UNC5C: variants seen among roughly 807,000 people sequenced by gnomAD.
UNC5C encodes netrin receptor UNC5C.
A neutral mutation model predicts 99.8 loss-of-function variants in UNC5C; 47 were observed. The observed-to-expected ratio is 0.47, with a 90% CI of 0.37 to 0.60. The LOEUF is 0.60. Among genes scored for constraint, UNC5C ranks in the 20% least tolerant of loss-of-function variants. The probability of loss-of-function intolerance (pLI) is 0.00; values close to 1 mark genes in which losing one functional copy is unlikely to be tolerated. For synonymous variants in UNC5C, 487 were observed against 452.2 expected, an observed-to-expected ratio of 1.08 and a Z score of -0.98; for missense variants, 1,062 against 1,165.9, an observed-to-expected ratio of 0.91 and a Z score of 1.30.
intron 1 of UNC5C, among the ~76,000 whole-genome samples, chr4:95,428,017 G>T (rs1372438966): frequency 1.3e-5 from 2 of 150,980 alleles, no homozygotes; most frequent in African/African-American, 2.4e-5. Flanking sequence ...CATCCAAATC[G>T]CTAGATTTTC....
intron 3 of UNC5C, among the ~76,000 whole-genome samples, chr4:95,285,911 A>G (rs1347916873): frequency 1.3e-5 from 2 of 152,128 alleles, no homozygotes; most frequent in African/African-American, 4.8e-5. Flanking sequence ...GTGGCTGAGA[A>G]CAAGGTTTTG....
chr4:95,257,239 T>C lies in UNC5C; in HGVS notation c.595-6572A>G, dbSNP rs764697892. ...ACAACATAGTGAGACCACACCTCTA[T>C]AAGAAACATGCAAAAATTAGTAGAG... is the stretch of plus-strand genomic sequence containing the variant. On this transcript the variant is annotated intron_variant, in intron 4 of 15. Transcript: ENST00000453304. Among the ~76,000 whole-genome samples, 56 of 152,088 alleles carry C rather than the reference T, an allele frequency of 3.7e-4. 1 individual carries two copies. The highest frequency in any genetic ancestry group is 7.4e-5 in the Non-Finnish European group (5 of 68,006).
intron 2 of UNC5C, among the ~76,000 whole-genome samples, chr4:95,308,980 T>C (rs1742168202): frequency 6.6e-6 from 1 of 152,014 alleles, no homozygotes; most frequent in African/African-American, 2.4e-5. Flanking sequence ...GCTAATGCAA[T>C]CTTGAGCAAA....
intron 1 of UNC5C, among the ~76,000 whole-genome samples, chr4:95,352,694 C>T (rs191522003): frequency 9.2e-5 from 14 of 152,304 alleles, no homozygotes; most frequent in African/African-American, 1.9e-4. Flanking sequence ...TTCCTTCTCC[C>T]TGTCAGGCCT....
At chr4:95,322,800 A>G (rs1742738732) in intron 2 of UNC5C, among the ~76,000 whole-genome samples, 1 of 151,914 alleles carries the variant, frequency 6.6e-6, no homozygotes, top group Non-Finnish European at 1.5e-5. Flanking sequence ...TTAGCTAGGC[A>G]TGCCAGCAGC....
intron 1 of UNC5C, among the ~76,000 whole-genome samples, chr4:95,405,402 G>A (rs972436345): frequency 6.6e-6 from 1 of 152,138 alleles, no homozygotes; most frequent in African/African-American, 2.4e-5. Context: ...GAATCAAAGA[G>A]CTCTTCCTTT....
At chr4:95,200,146 T>TC (rs925862926) in intron 12 of UNC5C, among the ~76,000 whole-genome samples, 7 of 152,204 alleles carry the variant, frequency 4.6e-5, no homozygotes, top group Non-Finnish European at 1.5e-5. Flanking sequence ...GGAGCCTGCT[T>TC]CCCAGTGGAC....
rs140288270 is a variant in UNC5C, at chr4:95,165,446, T to C, written c.*3788A>G. Reference sequence around the variant, plus strand: ...CAGAGGTGACTGTTCATTTGGAAGATGCCGTTTGTGAAACAGCTGTTAGCT... The same window carrying C: ...CAGAGGTGACTGTTCATTTGGAAGACGCCGTTTGTGAAACAGCTGTTAGCT... On this transcript the variant is annotated 3_prime_UTR_variant, in exon 16 of 16. Transcript: ENST00000453304. 6.6e-6 allele frequency: 1 copy of C among 152,354 alleles called. No homozygotes were observed. Among genetic ancestry groups the C allele is most frequent in the Non-Finnish European group, 1.5e-5 (1 of 68,044 alleles). 9.4% of individuals were successfully genotyped at this position (152,354 alleles called of 1,614,324 possible).
At chr4:95,307,573 C>T (rs1560779293) in intron 2 of UNC5C, among the ~76,000 whole-genome samples, 1 of 152,150 alleles carries the variant, frequency 6.6e-6, no homozygotes, top group Non-Finnish European at 1.5e-5. Flanking sequence ...CTTTCTCAAA[C>T]TCTTCCAAAA....
rs1735922447 is a variant in UNC5C at position 95,167,979 on chromosome 4, C to G, written c.*1255G>C. Reference sequence around the variant, plus strand: ...AGGTCGTGTGGTTAAATGACTTTCTCAAGGTGGCGCAACAAGACAGTGACA... The same window carrying G: ...AGGTCGTGTGGTTAAATGACTTTCTGAAGGTGGCGCAACAAGACAGTGACA... On this transcript the variant is annotated 3_prime_UTR_variant, in exon 16 of 16. Transcript: ENST00000453304. 6.6e-6 allele frequency: 1 copy of G among 152,160 alleles called. No homozygotes were observed. Among genetic ancestry groups the G allele is most frequent in the African/African-American group, 2.4e-5 (1 of 41,444 alleles). 9.4% of individuals were successfully genotyped at this position (152,160 alleles called of 1,614,324 possible). A position where few individuals can be genotyped will look rare whatever the true frequency, so the allele number is the denominator to read the frequency against.
intron 4 of UNC5C, among the ~76,000 whole-genome samples, chr4:95,275,878 A>C (rs1420660258): frequency 6.6e-6 from 1 of 152,194 alleles, no homozygotes; most frequent in Non-Finnish European, 1.5e-5. Flanking sequence ...CCTTGGAGAC[A>C]AAAGGAGCAC....
chr4:95,289,648 G>A (rs919119690), intron 3 of UNC5C, among the ~76,000 whole-genome samples: 4 of 152,076 alleles, frequency 2.6e-5, no homozygotes, highest in African/African-American at 9.7e-5. Context: ...ATAATACTGT[G>A]TTCTTAAAGG....
At chr4:95,531,642 G>A (rs543873832) in intron 1 of UNC5C, among the ~76,000 whole-genome samples, 1 of 152,312 alleles carries the variant, frequency 6.6e-6, no homozygotes, top group East Asian at 1.9e-4. Context: ...ATAATAGGCT[G>A]TGGTCCTACC....
intron 4 of UNC5C, among the ~76,000 whole-genome samples, chr4:95,273,429 T>C (rs1740735821): frequency 6.6e-6 from 1 of 152,216 alleles, no homozygotes; most frequent in Non-Finnish European, 1.5e-5. Flanking sequence ...TTTCTGGCTC[T>C]CCATGTGACA....
chr4:95,357,191 C>G, intron 1 of UNC5C, among the ~76,000 whole-genome samples: 1 of 151,056 alleles, frequency 6.6e-6, no homozygotes, highest in Non-Finnish European at 1.5e-5. Flanking sequence ...GGCTGTAGTG[C>G]AGTGGCACAA....
chr4:95,242,112 T>C (rs1739346019), intron 7 of UNC5C, among the ~76,000 whole-genome samples: 1 of 152,182 alleles, frequency 6.6e-6, no homozygotes, highest in South Asian at 2.1e-4. Context: ...GTTTTGACTC[T>C]GTGAGGAGTT....
chr4:95,359,553 C>A (rs1459807258), intron 1 of UNC5C, among the ~76,000 whole-genome samples: 2 of 150,846 alleles, frequency 1.3e-5, no homozygotes, highest in Non-Finnish European at 3.0e-5. Flanking sequence ...AATAATATTA[C>A]CTTCTCATTT....
intron 1 of UNC5C, among the ~76,000 whole-genome samples, chr4:95,460,863 G>T (rs1014133118): frequency 6.6e-6 from 1 of 152,134 alleles, no homozygotes; most frequent in Non-Finnish European, 1.5e-5. Context: ...ACTGGGATAG[G>T]ATTACACAGA....
intron 1 of UNC5C, among the ~76,000 whole-genome samples, chr4:95,442,153 T>C (rs1405448235): frequency 6.6e-6 from 1 of 152,122 alleles, no homozygotes; most frequent in Non-Finnish European, 1.5e-5. Flanking sequence ...CTTTGAAGAC[T>C]TCAAGACTTT....
Sources: allele counts gnomAD v4.1 joint callset (sites outside exome capture counted in the v4.1 genomes callset), GRCh38; gene constraint gnomAD v4.1.1; transcripts MANE v1.5; gene names NCBI Gene and HGNC (gene_info 2026-07-23, HGNC 2026-07-21).